Variants in BRSK2 observed in about 807,000 individuals in gnomAD.
The protein encoded by BRSK2 is serine/threonine-protein kinase BRSK2.
A neutral mutation model predicts 83.3 loss-of-function variants in BRSK2; 19 were observed. The observed-to-expected ratio is 0.23, with a 90% confidence interval of 0.16 to 0.33. The LOEUF is 0.33. Among genes scored for constraint, BRSK2 ranks in the 10% least tolerant of loss-of-function variants. The pLI, the probability that BRSK2 is intolerant of heterozygous loss-of-function variation, is 1.00. For missense variants in BRSK2, 798 were observed against 1,042.3 expected, an observed-to-expected ratio of 0.77 and a Z score of 3.23; for synonymous variants, 519 against 435.4, an observed-to-expected ratio of 1.19 and a Z score of -2.39.
intron 3 of BRSK2, 134 bp from the exon 4 acceptor site, chr11:1,440,654 G>T (rs906932695): frequency 1.7e-6 from 2 of 1,179,000 alleles, no homozygotes; most frequent in Non-Finnish European, 2.3e-6. Flanking sequence ...CCTCTCAGCT[G>T]CCCCCCCAGC....
chr11:1,392,506 G>A (rs150233081), intron 1 of BRSK2, among the ~76,000 whole-genome samples: 1 of 152,186 alleles, frequency 6.6e-6, no homozygotes, highest in Non-Finnish European at 1.5e-5. Flanking sequence ...GGAGCTGCTC[G>A]ACTTGAGGTG....
In BRSK2 at chr11:1,418,780, G is replaced by A. The variant is rs1163463128; in HGVS notation, c.92-17260G>A. ...AGCTGTCATCCTGGAGGGGCTCCCT[G>A]CCTGTGTTGGGCATGTGGGGGGCTG... On this transcript the variant is annotated intron_variant, in intron 1 of 19. Coordinates refer to ENST00000528841, the MANE Select transcript of BRSK2 (RefSeq NM_001256627.2). Among the ~76,000 whole-genome samples the A allele has an allele frequency of 2.0e-5, 3 of 152,262 alleles. No homozygotes were observed. The East Asian group carries it at 5.8e-4, about 29-fold the overall frequency.
chr11:1,390,951 C>A lies in BRSK2; in HGVS notation c.91+576C>A, dbSNP rs1845688755. ...CCGGCTCGGGCTCGGGCGGGCGGAG[C>A]GTCTGTGACCTGCATTCCCACGGGG... On this transcript the variant is annotated intron_variant, in intron 1 of 19. Transcript: ENST00000528841. The surrounding 1 kb of genome is among the most constrained non-coding windows in gnomAD (Gnocchi z 6.8). 6.6e-6 allele frequency among the ~76,000 whole-genome samples: 1 copy of A among 152,066 alleles called. No individual in the cohort carries two copies. Among genetic ancestry groups the A allele is most frequent in the East Asian group, 1.9e-4 (1 of 5,144 alleles).
At chr11:1,460,419 T>G in intron 19 of BRSK2, 81 bp from the exon 20 acceptor site, 2 of 945,700 alleles carry the variant, frequency 2.1e-6, no homozygotes, top group Non-Finnish European at 1.4e-6. Flanking sequence ...TCTCTCTCCT[T>G]CCCTCCCCTC....
rs1423151356 is a variant in BRSK2 at position 1,389,958 on chromosome 11, T to C, written c.-327T>C. On this transcript the variant is annotated 5_prime_UTR_variant, in exon 1 of 20. Coordinates refer to ENST00000528841, the MANE Select transcript of BRSK2 (RefSeq NM_001256627.2). The surrounding 1 kb of genome is among the most constrained non-coding windows in gnomAD (Gnocchi z 4.1). ...CGGCTCGGCTCGGCTGCGCGGCCGCTGACGGGCGTGCGCTGGGGGCGCGGG... is the reference window on the plus strand; with the variant it reads ...CGGCTCGGCTCGGCTGCGCGGCCGCCGACGGGCGTGCGCTGGGGGCGCGGG... 1 of 148,522 alleles carries C rather than the reference T, an allele frequency of 6.7e-6. No individual in the cohort carries two copies. The highest frequency in any genetic ancestry group is 1.5e-5 in the Non-Finnish European group (1 of 66,492). 9.2% of individuals were successfully genotyped at this position (148,522 alleles called of 1,614,324 possible). A position where few individuals can be genotyped will look rare whatever the true frequency, so the allele number is the denominator to read the frequency against.
chr11:1,400,001 A>G (rs1269371420), intron 1 of BRSK2, among the ~76,000 whole-genome samples: 2 of 152,202 alleles, frequency 1.3e-5, no homozygotes, highest in African/African-American at 2.4e-5. Flanking sequence ...CCCAGCCACC[A>G]TTTATTGTAA....
intron 15 of BRSK2, among the ~76,000 whole-genome samples, chr11:1,452,931 G>A (rs543289532): frequency 9.6e-4 from 146 of 152,350 alleles, no homozygotes; most frequent in Middle Eastern, 3.4e-3. Context: ...CACCCCAGAG[G>A]AACAGCACCA....
chr11:1,447,726 G>C (rs903244870), intron 12 of BRSK2: 4 of 1,440,908 alleles, frequency 2.8e-6, no homozygotes, highest in Non-Finnish European at 3.8e-6. Context: ...GGTGTGGCCC[G>C]GGCCCTGGGG....
intron 18 of BRSK2, 130 bp from the exon 19 acceptor site, chr11:1,459,061 CA>C: frequency 1.2e-6 from 1 of 842,382 alleles, no homozygotes; most frequent in South Asian, 1.6e-5. Context: ...CAGTATTCCC[CA>C]CCCATGCCTC....
In BRSK2 at chr11:1,423,910, C is replaced by T. The variant is rs922654891; in HGVS notation, c.92-12130C>T. Among the ~76,000 whole-genome samples, 12 of 152,122 alleles carry T rather than the reference C, an allele frequency of 7.9e-5. No homozygotes were observed. The highest frequency in any genetic ancestry group is 6.2e-4 in the South Asian group (3 of 4,808). On this transcript the variant is annotated intron_variant, in intron 1 of 19. Coordinates refer to ENST00000528841, the MANE Select transcript of BRSK2 (RefSeq NM_001256627.2). This position sits in a 1 kb window ranked among gnomAD's most constrained non-coding sequence, Gnocchi z 6.5. ...CCATCTTGCTTTCACCCTCACGTGGCGCCCCCATCCCACCCCGTGTGTCCC... is the reference window on the plus strand; with the variant it reads ...CCATCTTGCTTTCACCCTCACGTGGTGCCCCCATCCCACCCCGTGTGTCCC...
chr11:1,448,079 G>A (rs1852403130), intron 12 of BRSK2, among the ~76,000 whole-genome samples: 1 of 152,162 alleles, frequency 6.6e-6, no homozygotes, highest in Non-Finnish European at 1.5e-5. Flanking sequence ...TGCCTGTGAG[G>A]GACCACGCAC....
At position 1,390,419 on chromosome 11, in the gene BRSK2, T is replaced by A; in HGVS notation, c.91+44T>A. On this transcript the variant is annotated intron_variant, in intron 1 of 19. Transcript: ENST00000528841. This position sits in a 1 kb window ranked among gnomAD's most constrained non-coding sequence, Gnocchi z 6.8. ...GGGACCGGGGCCGGGGAGGCCGCGCTGGCAGCGCGCTGGGTGGGGGGCGCC... is the reference window on the plus strand; with the variant it reads ...GGGACCGGGGCCGGGGAGGCCGCGCAGGCAGCGCGCTGGGTGGGGGGCGCC... 1.0e-6 allele frequency: 1 copy of A among 956,116 alleles called. No homozygotes were observed. Among genetic ancestry groups the A allele is most frequent in the South Asian group, 4.7e-5 (1 of 21,124 alleles). 59.2% of individuals were successfully genotyped at this position (956,116 alleles called of 1,614,324 possible).
At chr11:1,425,908 C>A (rs143683240) in intron 1 of BRSK2, among the ~76,000 whole-genome samples, 1 of 152,130 alleles carries the variant, frequency 6.6e-6, no homozygotes. Flanking sequence ...ACACCTGCCC[C>A]GGGGCCAGTG....
Position 1,443,528 on chromosome 11 carries a change from C to T in BRSK2, c.673C>T (p.Leu225=), listed in dbSNP as rs1239724823. The change falls in exon 8 of 20, where the codon CTG becomes TTG. Residue 225 remains leucine, a synonymous_variant. Transcript: ENST00000528841. ...CGACGATGACAACTTGCGACAGCTG[C>T]TGGAGAAGGTGAAGCGGGGCGTGTT... ...PFDDDNLRQL[L]EKVKRGVFHM... 2.5e-6 allele frequency: 4 copies of T among 1,608,210 alleles called. No individual in the cohort carries two copies. Among genetic ancestry groups the T allele is most frequent in the Non-Finnish European group, 3.4e-6 (4 of 1,177,782 alleles).
intron 1 of BRSK2, among the ~76,000 whole-genome samples, chr11:1,406,864 A>G (rs954018735): frequency 1.3e-5 from 2 of 152,142 alleles, no homozygotes; most frequent in African/African-American, 4.8e-5. Flanking sequence ...GTGCATGTCC[A>G]TGTGCAGGTT....
At chr11:1,445,266 G>A (rs201826367) in intron 9 of BRSK2, 28 bp from the exon 10 acceptor site, 8 of 1,584,152 alleles carry the variant, frequency 5.1e-6, no homozygotes, top group Admixed American at 1.8e-5. Flanking sequence ...CGGAGCTGAT[G>A]AGCGGGTGGC....
chr11:1,458,072 GAGGCCAGGGAACGACAGGGCAGCCACCT>G (rs1280056395), intron 18 of BRSK2, among the ~76,000 whole-genome samples: 1 of 152,122 alleles, frequency 6.6e-6, no homozygotes, highest in Non-Finnish European at 1.5e-5. Context: ...AAGGGAAACC[GAGGCCAGGGAACGACAGGGCAGCCACCT>G]AGGCCAGGGA....
intron 12 of BRSK2, chr11:1,447,877 C>T (rs1445823438): frequency 2.5e-6 from 4 of 1,589,232 alleles, no homozygotes; most frequent in East Asian, 2.3e-5. Context: ...TACACCCCGA[C>T]CACCCGTCCC....
chr11:1,425,165 C>G (rs117074456), intron 1 of BRSK2, among the ~76,000 whole-genome samples: 3,579 of 152,344 alleles, frequency 0.023, 57 homozygotes, highest in Non-Finnish European at 0.033. Context: ...GCGCTCTCAG[C>G]ACTTGGAGTC....
Sources: gnomAD v4.1 joint callset for allele counts (sites outside exome capture counted in the v4.1 genomes callset) on GRCh38, gnomAD v4.1.1 for gene constraint, Gnocchi (gnomAD v3.1) non-coding constraint, MANE v1.5 for transcripts, NCBI Gene and HGNC (gene_info 2026-07-23, HGNC 2026-07-21) for gene names.